TIAM2: variants seen among roughly 807,000 people sequenced by gnomAD.
The protein encoded by TIAM2 is rho guanine nucleotide exchange factor TIAM2.
Under a neutral mutation model 152.9 loss-of-function variants are expected in TIAM2, and 80 were observed. That is an observed-to-expected ratio of 0.52 (90% CI 0.44 to 0.63). The LOEUF is 0.63. Ranked by LOEUF, TIAM2 falls within the 30% of genes least tolerant of loss-of-function variation. TIAM2 has a pLI of 0.00. For synonymous variants in TIAM2, 804 were observed against 838.0 expected (o/e 0.96, Z 0.70); for missense variants, 1,965 against 2,120.1 (o/e 0.93, Z 1.44).
At chr6:155,217,197 A>G in intron 15 of TIAM2, 4 of 1,215,270 alleles carry the variant, frequency 3.3e-6, no homozygotes, top group Non-Finnish European at 4.3e-6. Context: ...TGCTCTAAAA[A>G]TGTCTAAAGA....
chr6:155,089,018 C>T (rs1301548319), intron 1 of TIAM2, among the ~76,000 whole-genome samples: 1 of 152,064 alleles, frequency 6.6e-6, no homozygotes, highest in African/African-American at 2.4e-5. Context: ...GAGTTAATAT[C>T]ATGCCTTCTA....
chr6:155,028,656 AAT>A (rs1219031499), intron 1 of TIAM2, among the ~76,000 whole-genome samples: 1,429 of 131,096 alleles, frequency 0.011, 130 homozygotes, highest in African/African-American at 0.041. Context: ...TACTACATAT[AAT>A]ATATATACTG....
intron 15 of TIAM2, among the ~76,000 whole-genome samples, chr6:155,236,773 T>G (rs1782782753): frequency 6.6e-6 from 1 of 152,194 alleles, no homozygotes; most frequent in African/African-American, 2.4e-5. Context: ...GTGAGATCTA[T>G]TCACTATTAC....
At position 155,249,785 on chromosome 6, in the gene TIAM2, AT is replaced by A. The variant is rs1433697030; in HGVS notation, c.3833-64del. The A allele has an allele frequency of 2.2e-6, 3 of 1,358,652 alleles. No homozygotes were observed. In the African/African-American group the frequency reaches 4.3e-5, roughly 20 times the overall value. 84.2% of individuals were successfully genotyped at this position (1,358,652 alleles called of 1,614,324 possible). On this transcript the variant is annotated intron_variant, in intron 20 of 26. Transcript: ENST00000682666. ...GAGTTGAATCTTGACTCCATTCATT[AT>A]TACTGTTGGATAGAATCTAAAACAA...
At chr6:155,245,784 T>A in intron 19 of TIAM2, 53 bp downstream of exon 19, 1 of 1,166,986 alleles carries the variant, frequency 8.6e-7, no homozygotes, top group Non-Finnish European at 1.2e-6. Flanking sequence ...TTTTTAACTG[T>A]TAGTAAAGGG....
At chr6:155,194,710 A>G (rs1459559542) in intron 14 of TIAM2, among the ~76,000 whole-genome samples, 2 of 152,212 alleles carry the variant, frequency 1.3e-5, no homozygotes, top group African/African-American at 4.8e-5. Context: ...GACTCAGAAT[A>G]TGAGAAAGAA....
chr6:155,239,511 C>T (rs1782927150), intron 15 of TIAM2, among the ~76,000 whole-genome samples: 1 of 152,190 alleles, frequency 6.6e-6, no homozygotes, highest in Non-Finnish European at 1.5e-5. Flanking sequence ...TGACCCTGCT[C>T]CAGCAACTGT....
At chr6:155,132,224 G>T (rs1779465579) in intron 4 of TIAM2, among the ~76,000 whole-genome samples, 1 of 147,314 alleles carries the variant, frequency 6.8e-6, no homozygotes, top group Non-Finnish European at 1.5e-5. Flanking sequence ...GGGAATTTGT[G>T]TGGGCAGTTA....
chr6:155,255,850 A>AAAT (rs1325358703), intron 26 of TIAM2: 2 of 152,808 alleles, frequency 1.3e-5, no homozygotes, highest in African/African-American at 4.8e-5. Flanking sequence ...TCTACAAAAA[A>AAAT]AATATAAAAA....
At chr6:155,147,455 C>T (rs989581444) in intron 6 of TIAM2, among the ~76,000 whole-genome samples, 1 of 151,988 alleles carries the variant, frequency 6.6e-6, no homozygotes, top group Non-Finnish European at 1.5e-5. Context: ...TTCAGGCATG[C>T]ACCACCACAC....
intron 1 of TIAM2, among the ~76,000 whole-genome samples, chr6:155,056,317 G>A (rs954998363): frequency 5.9e-5 from 9 of 151,344 alleles, no homozygotes; most frequent in South Asian, 4.2e-4. Context: ...GACTGTCGGC[G>A]CCTACCACCA....
intron 2 of TIAM2, among the ~76,000 whole-genome samples, chr6:155,120,776 C>T (rs1442556406): frequency 7.9e-5 from 12 of 152,176 alleles, no homozygotes. Flanking sequence ...TCAGTAGTAT[C>T]CCCCTAGCCT....
At chr6:155,199,058 G>A (rs1194393613) in intron 14 of TIAM2, among the ~76,000 whole-genome samples, 3 of 145,748 alleles carry the variant, frequency 2.1e-5, no homozygotes, top group Non-Finnish European at 3.1e-5. Flanking sequence ...AAAAAGGACA[G>A]TAACTTCTTT....
chr6:155,124,260 C>T (rs1779238364), intron 2 of TIAM2, among the ~76,000 whole-genome samples: 1 of 152,190 alleles, frequency 6.6e-6, no homozygotes, highest in Non-Finnish European at 1.5e-5. Flanking sequence ...GGCTTAAGTG[C>T]TCCATCTGCC....
At chr6:155,247,893 AT>A in intron 19 of TIAM2, 106 bp from the exon 20 acceptor site, 2 of 1,376,920 alleles carry the variant, frequency 1.5e-6, no homozygotes, top group Non-Finnish European at 2.0e-6. Flanking sequence ...AAAGAATGGC[AT>A]TAGGAGGACT....
chr6:155,246,483 T>C (rs570426681), intron 19 of TIAM2, among the ~76,000 whole-genome samples: 1 of 151,932 alleles, frequency 6.6e-6, no homozygotes, highest in Non-Finnish European at 1.5e-5. Context: ...TTTAATTAAA[T>C]TTAATTAATT....
At chr6:155,173,732 A>G (rs1223563474) in intron 9 of TIAM2, among the ~76,000 whole-genome samples, 1 of 152,246 alleles carries the variant, frequency 6.6e-6, no homozygotes, top group African/African-American at 2.4e-5. Context: ...GCTGGTATTC[A>G]TCTTCTCCTG....
chr6:155,044,599 G>C (rs1777120575), intron 1 of TIAM2, among the ~76,000 whole-genome samples: 1 of 152,160 alleles, frequency 6.6e-6, no homozygotes. Context: ...GGTGGATCAT[G>C]AGGTCAGGAG....
intron 4 of TIAM2, among the ~76,000 whole-genome samples, chr6:155,131,701 T>C (rs1779450609): frequency 6.6e-6 from 1 of 151,940 alleles, no homozygotes; most frequent in Non-Finnish European, 1.5e-5. Context: ...TGCCTCAGCC[T>C]CCTGAGTAGC....
Sources: allele counts gnomAD v4.1 joint callset (sites outside exome capture counted in the v4.1 genomes callset), GRCh38; gene constraint gnomAD v4.1.1; transcripts MANE v1.5; gene names NCBI Gene and HGNC (gene_info 2026-07-23, HGNC 2026-07-21).